AUTS2: variants seen among roughly 807,000 people sequenced by gnomAD.
AUTS2 encodes activator of transcription and developmental regulator AUTS2, also known as autism susceptibility gene 2 protein.
AUTS2 carries 17 observed loss-of-function variants against 112.4 expected under a neutral mutation model. That is an observed-to-expected ratio of 0.15 (90% CI 0.10 to 0.23). The LOEUF (loss-of-function observed/expected upper bound fraction) is 0.23, where lower values mean the gene tolerates loss of function less well. Ranked by LOEUF, AUTS2 falls within the 10% of genes least tolerant of loss-of-function variation. The pLI is 1.00. For missense variants in AUTS2, 1,510 were observed against 1,701.6 expected (o/e 0.89, Z 1.98); for synonymous variants, 751 against 702.7 (o/e 1.07, Z -1.09).
chr7:69,769,735 A>G (rs1788583039), intron 1 of AUTS2, among the ~76,000 whole-genome samples: 1 of 152,218 alleles, frequency 6.6e-6, no homozygotes, highest in Non-Finnish European at 1.5e-5. Context: ...CCCACGGAGT[A>G]AACTTGATTA....
intron 2 of AUTS2, among the ~76,000 whole-genome samples, chr7:70,021,524 T>G (rs1800273965): frequency 6.6e-6 from 1 of 152,132 alleles, no homozygotes; most frequent in Non-Finnish European, 1.5e-5. Flanking sequence ...CCTAAAACTT[T>G]GCTCTATGTG....
intron 2 of AUTS2, among the ~76,000 whole-genome samples, chr7:70,096,767 A>G (rs1181734940): frequency 6.6e-6 from 1 of 152,154 alleles, no homozygotes; most frequent in African/African-American, 2.4e-5. Flanking sequence ...CAGAAGGAGG[A>G]TAATGCTGAG....
At chr7:69,762,108 G>T (rs1032060735) in intron 1 of AUTS2, among the ~76,000 whole-genome samples, 4 of 152,030 alleles carry the variant, frequency 2.6e-5, no homozygotes, top group African/African-American at 9.7e-5. Flanking sequence ...GTGGCTGTTT[G>T]GCACACTGGT....
At chr7:70,302,931 A>C (rs965122937) in intron 4 of AUTS2, among the ~76,000 whole-genome samples, 4 of 137,108 alleles carry the variant, frequency 2.9e-5, no homozygotes, top group Admixed American at 2.3e-4. Flanking sequence ...TTTGGCCATC[A>C]TTTCCATTCT....
chr7:70,660,821 G>C (rs144278022), intron 5 of AUTS2, among the ~76,000 whole-genome samples: 62 of 152,302 alleles, frequency 4.1e-4, no homozygotes, highest in Middle Eastern at 3.4e-3. Flanking sequence ...GAAAGTGTTT[G>C]CTGTTAGCCT....
At chr7:69,966,777 G>A (rs1316936209) in intron 2 of AUTS2, among the ~76,000 whole-genome samples, 1 of 151,958 alleles carries the variant, frequency 6.6e-6, no homozygotes, top group African/African-American at 2.4e-5. Flanking sequence ...CTTTCATCTC[G>A]TAAACTGAGT....
intron 2 of AUTS2, among the ~76,000 whole-genome samples, chr7:69,979,027 A>T (rs1798184806): frequency 6.6e-6 from 1 of 152,104 alleles, no homozygotes; most frequent in Admixed American, 6.6e-5. Flanking sequence ...GTTAATTTGA[A>T]ATTTATTTAA....
chr7:70,266,164 A>G (rs1787412599), intron 4 of AUTS2, among the ~76,000 whole-genome samples: 1 of 152,254 alleles, frequency 6.6e-6, no homozygotes, highest in African/African-American at 2.4e-5. Context: ...TAATAAGTGG[A>G]TAAACAAAAT....
chr7:69,979,259 G>A (rs1798192978), intron 2 of AUTS2, among the ~76,000 whole-genome samples: 1 of 152,156 alleles, frequency 6.6e-6, no homozygotes, highest in Non-Finnish European at 1.5e-5. Flanking sequence ...ATCCAGACAG[G>A]GAAGAACCTT....
chr7:70,338,996 A>G (rs1287778360), intron 4 of AUTS2, among the ~76,000 whole-genome samples: 1 of 151,272 alleles, frequency 6.6e-6, no homozygotes, highest in African/African-American at 2.4e-5. Flanking sequence ...CCAAGTAGCT[A>G]GGACTACAGG....
chr7:70,720,099 T>TA (rs921741141), intron 6 of AUTS2, among the ~76,000 whole-genome samples: 1 of 152,140 alleles, frequency 6.6e-6, no homozygotes, highest in Non-Finnish European at 1.5e-5. Context: ...TCCCCTACTT[T>TA]AAAAAGCCTT....
At chr7:69,898,107 AC>A (rs1450843268) in intron 1 of AUTS2, among the ~76,000 whole-genome samples, 2 of 152,176 alleles carry the variant, frequency 1.3e-5, no homozygotes, top group African/African-American at 4.8e-5. Context: ...GGTAATGGAT[AC>A]CCCATTTACC....
chr7:69,893,572 C>G (rs1271933057), intron 1 of AUTS2, among the ~76,000 whole-genome samples: 1 of 152,154 alleles, frequency 6.6e-6, no homozygotes, highest in Non-Finnish European at 1.5e-5. Flanking sequence ...GATCAGATAA[C>G]TAACAGAAGA....
intron 1 of AUTS2, among the ~76,000 whole-genome samples, chr7:69,847,622 C>T (rs1792266515): frequency 6.6e-6 from 1 of 152,106 alleles, no homozygotes; most frequent in South Asian, 2.1e-4. Context: ...GCCGGTGCCC[C>T]TGGAATGAGG....
At chr7:70,228,127 C>A (rs1422272502) in intron 4 of AUTS2, among the ~76,000 whole-genome samples, 1 of 151,474 alleles carries the variant, frequency 6.6e-6, no homozygotes, top group African/African-American at 2.4e-5. Flanking sequence ...ATCATTGTAT[C>A]TTCTTGGTGG....
rs1037530663 is a variant in AUTS2 at position 70,302,171 on chromosome 7, G to A, written c.661-133581G>A. ...CATGCTTGTAATCCCAGCACTTTGG[G>A]AGGCCAACGTGGGAGGATCGCTTGA... On this transcript the variant is annotated intron_variant, in intron 4 of 18. Coordinates refer to ENST00000342771, the MANE Select transcript of AUTS2 (RefSeq NM_015570.4). Among the ~76,000 whole-genome samples, 3 of 152,292 alleles carry A rather than the reference G, an allele frequency of 2.0e-5. No individual in the cohort carries two copies. The East Asian group carries it at 5.8e-4, about 29-fold the overall frequency.
At position 70,736,329 on chromosome 7, in the gene AUTS2, C is replaced by T. The variant is rs112916463; in HGVS notation, c.743-26541C>T. Among the ~76,000 whole-genome samples the T allele has an allele frequency of 4.4e-4, 66 of 149,098 alleles. 2 individuals carry two copies. In the East Asian group the frequency reaches 0.012, roughly 26 times the overall value. On this transcript the variant is annotated intron_variant, in intron 6 of 18. Coordinates refer to ENST00000342771, the MANE Select transcript of AUTS2 (RefSeq NM_015570.4). Reference sequence around the variant, plus strand: ...TATCAATCACTCCTCTAGAAATGGACATTATGAAAAGTAGATGTCAGTATG... The same window carrying T: ...TATCAATCACTCCTCTAGAAATGGATATTATGAAAAGTAGATGTCAGTATG...
chr7:70,475,968 G>A (rs867654104), intron 5 of AUTS2, among the ~76,000 whole-genome samples: 2 of 152,172 alleles, frequency 1.3e-5, no homozygotes, highest in African/African-American at 2.4e-5. Context: ...GGTGAAGGCT[G>A]CAGTGAGCCA....
chr7:69,711,016 C>T (rs1798299844), intron 1 of AUTS2, among the ~76,000 whole-genome samples: 1 of 152,134 alleles, frequency 6.6e-6, no homozygotes, highest in Non-Finnish European at 1.5e-5. Context: ...CCTGCTCACC[C>T]TTAGGAATGT....
Sources: gnomAD v4.1 joint callset for allele counts (sites outside exome capture counted in the v4.1 genomes callset) on GRCh38, gnomAD v4.1.1 for gene constraint, MANE v1.5 for transcripts, NCBI Gene and HGNC (gene_info 2026-07-23, HGNC 2026-07-21) for gene names.